TAB2: variants seen among roughly 807,000 people sequenced by gnomAD.
The protein encoded by TAB2 is TGF-beta activated kinase 1 (MAP3K7) binding protein 2, also known as TGF-beta-activated kinase 1 and MAP3K7-binding protein 2.
A neutral mutation model predicts 65.0 loss-of-function variants in TAB2; 3 were observed. That is an observed-to-expected ratio of 0.05 (90% CI 0.02 to 0.12). The LOEUF is 0.12. Ranked by LOEUF, TAB2 falls within the 10% of genes least tolerant of loss-of-function variation. The probability of loss-of-function intolerance (pLI) is 1.00; values close to 1 mark genes in which losing one functional copy is unlikely to be tolerated. For missense variants in TAB2, 623 were observed against 840.3 expected (o/e 0.74, Z 3.20); for synonymous variants, 298 against 285.1 (o/e 1.05, Z -0.46).
intron 1 of TAB2, among the ~76,000 whole-genome samples, chr6:149,221,960 G>T (rs1380809446): frequency 2.0e-5 from 3 of 152,156 alleles, no homozygotes; most frequent in Non-Finnish European, 4.4e-5. Flanking sequence ...AGGATGCCTG[G>T]ATATTTCTGG....
intron 1 of TAB2, chr6:149,321,193 T>C (rs1470051096): frequency 1.3e-5 from 2 of 152,226 alleles, no homozygotes; most frequent in African/African-American, 4.8e-5. Flanking sequence ...TGTCATCTTA[T>C]TTAAAACCCT....
At chr6:149,260,666 C>T (rs1355552319) in intron 1 of TAB2, among the ~76,000 whole-genome samples, 14 of 152,122 alleles carry the variant, frequency 9.2e-5, no homozygotes, top group Non-Finnish European at 1.0e-4. Context: ...ATAGGCAAAA[C>T]GAAATCTATG....
chr6:149,367,022 G>T (rs1433808897), intron 1 of TAB2, among the ~76,000 whole-genome samples: 15 of 151,440 alleles, frequency 9.9e-5, no homozygotes, highest in Non-Finnish European at 5.9e-5. Flanking sequence ...AAACTATAAA[G>T]AAACCTTATA....
chr6:149,297,548 T>C (rs549469777), intron 1 of TAB2, among the ~76,000 whole-genome samples: 2 of 152,302 alleles, frequency 1.3e-5, no homozygotes, highest in East Asian at 1.9e-4. Context: ...CTTTTTGAGA[T>C]TGGGTTTTGC....
intron 5 of TAB2, among the ~76,000 whole-genome samples, chr6:149,398,892 A>G (rs1224764939): frequency 6.6e-6 from 1 of 152,112 alleles, no homozygotes. Context: ...ACAGTTTACC[A>G]CTTACCCGTG....
chr6:149,339,253 C>G (rs1278514790), intron 1 of TAB2, among the ~76,000 whole-genome samples: 1 of 152,032 alleles, frequency 6.6e-6, no homozygotes, highest in East Asian at 1.9e-4. Flanking sequence ...GTCCCAGCTA[C>G]TTGGGAGGCT....
intron 1 of TAB2, among the ~76,000 whole-genome samples, chr6:149,326,411 A>G (rs949723275): frequency 6.6e-6 from 1 of 152,208 alleles, no homozygotes; most frequent in Non-Finnish European, 1.5e-5. Context: ...ACACGTGTGC[A>G]GTTTTTATGC....
intron 1 of TAB2, among the ~76,000 whole-genome samples, chr6:149,253,470 A>G (rs1777900964): frequency 6.6e-6 from 1 of 151,938 alleles, no homozygotes; most frequent in South Asian, 2.1e-4. Context: ...GAAACCACAC[A>G]ACCATCAAAA....
chr6:149,271,183 G>A (rs1469906241), intron 1 of TAB2, among the ~76,000 whole-genome samples: 1 of 152,078 alleles, frequency 6.6e-6, no homozygotes, highest in Non-Finnish European at 1.5e-5. Context: ...ACTCCAGCCT[G>A]AGTGACAGAG....
At chr6:149,370,329 G>A (rs1242081220) in intron 2 of TAB2, among the ~76,000 whole-genome samples, 1 of 152,148 alleles carries the variant, frequency 6.6e-6, no homozygotes, top group African/African-American at 2.4e-5. Flanking sequence ...AGTTAAATGA[G>A]ATCTGAATGT....
intron 1 of TAB2, among the ~76,000 whole-genome samples, chr6:149,234,864 GAAA>G (rs386408903): frequency 1.0e-5 from 1 of 95,486 alleles, no homozygotes; most frequent in African/African-American, 3.8e-5. Context: ...TAGAGAGTGT[GAAA>G]AAAAAAAAAA....
At chr6:149,365,709 T>G (rs1409189963) in intron 1 of TAB2, among the ~76,000 whole-genome samples, 3 of 152,092 alleles carry the variant, frequency 2.0e-5, no homozygotes, top group Non-Finnish European at 4.4e-5. Flanking sequence ...TTCTACCTCA[T>G]TCTTTCTCCC....
intron 6 of TAB2, among the ~76,000 whole-genome samples, chr6:149,399,640 A>T (rs992586805): frequency 1.1e-4 from 17 of 152,138 alleles, no homozygotes; most frequent in Admixed American, 1.1e-3. Context: ...CATCATTGAT[A>T]TTCTCAGAAT....
chr6:149,238,156 C>T (rs1777534500), intron 1 of TAB2, among the ~76,000 whole-genome samples: 1 of 152,108 alleles, frequency 6.6e-6, no homozygotes, highest in Admixed American at 6.5e-5. Flanking sequence ...TTTGGAGTTC[C>T]CAACACCCAG....
At chr6:149,236,158 G>A (rs755991430) in intron 1 of TAB2, among the ~76,000 whole-genome samples, 11 of 152,094 alleles carry the variant, frequency 7.2e-5, no homozygotes, top group South Asian at 2.1e-4. Context: ...GGAGATGGGC[G>A]CACTAAAATA....
chr6:149,270,037 G>A (rs1177338538), intron 1 of TAB2, among the ~76,000 whole-genome samples: 2 of 152,222 alleles, frequency 1.3e-5, no homozygotes, highest in Admixed American at 6.5e-5. Context: ...CCAAAGGGCT[G>A]TGCCATTTTG....
intron 1 of TAB2, among the ~76,000 whole-genome samples, chr6:149,249,959 G>A (rs1464781449): frequency 6.6e-6 from 1 of 152,176 alleles, no homozygotes; most frequent in Non-Finnish European, 1.5e-5. Context: ...TGTGAGGGAA[G>A]GCTGTGGTGA....
At chr6:149,350,405 C>T (rs1424153339) in intron 1 of TAB2, among the ~76,000 whole-genome samples, 1 of 152,088 alleles carries the variant, frequency 6.6e-6, no homozygotes, top group African/African-American at 2.4e-5. Context: ...GAATTCTGTC[C>T]AATTCAGGAT....
intron 1 of TAB2, among the ~76,000 whole-genome samples, chr6:149,265,922 G>A (rs555286158): frequency 4.6e-4 from 70 of 152,268 alleles, no homozygotes; most frequent in Admixed American, 2.3e-3. Context: ...CCCTGCTCTC[G>A]GCTTTTGTCA....
Sources: gnomAD v4.1 joint callset for allele counts (sites outside exome capture counted in the v4.1 genomes callset) on GRCh38, gnomAD v4.1.1 for gene constraint, MANE v1.5 for transcripts, NCBI Gene and HGNC (gene_info 2026-07-23, HGNC 2026-07-21) for gene names.